NR6A1: variants seen among roughly 807,000 people sequenced by gnomAD.
NR6A1 encodes the protein nuclear receptor subfamily 6 group A member 1.
A neutral mutation model predicts 59.1 loss-of-function variants in NR6A1; 7 were observed. The observed-to-expected ratio is 0.12, with a 90% CI of 0.07 to 0.22. The LOEUF is 0.22. Among genes scored for constraint, NR6A1 ranks in the 10% least tolerant of loss-of-function variants. NR6A1 has a pLI of 1.00. For synonymous variants in NR6A1, 243 were observed against 236.1 expected (o/e 1.03, Z -0.27); for missense variants, 468 against 611.6 (o/e 0.77, Z 2.48).
At chr9:124,526,558 T>C (rs149019507) in intron 8 of NR6A1, among the ~76,000 whole-genome samples, 1 of 152,062 alleles carries the variant, frequency 6.6e-6, no homozygotes, top group Non-Finnish European at 1.5e-5. Flanking sequence ...GGCATTTCAG[T>C]TTGAAGAAAA....
At chr9:124,764,330 AT>A (rs1178009842) in intron 1 of NR6A1, among the ~76,000 whole-genome samples, 2 of 152,260 alleles carry the variant, frequency 1.3e-5, no homozygotes, top group Admixed American at 1.3e-4. Context: ...AACATCATAG[AT>A]AAAATATCAC....
At chr9:124,587,728 G>A (rs1834975998) in intron 2 of NR6A1, among the ~76,000 whole-genome samples, 1 of 152,186 alleles carries the variant, frequency 6.6e-6, no homozygotes, top group Non-Finnish European at 1.5e-5. Context: ...AAGTGCTGGA[G>A]TCTGCATTCA....
In NR6A1 at chr9:124,524,888, AAAAC is replaced by A; in HGVS notation, c.1202-19_1202-16del. ...ACCCCTGATATCTGTGGAAAAAAAA[AAAAC>A]ACACACACACATACAGGGAATGGGA... On this transcript the variant is annotated splice_polypyrimidine_tract_variant and intron_variant, in intron 8 of 9. Coordinates refer to ENST00000487099, the MANE Select transcript of NR6A1 (RefSeq NM_033334.4). 1.3e-6 allele frequency: 2 copies of A among 1,594,210 alleles called. No homozygotes were observed.
At chr9:124,763,532 C>A (rs1310020040) in intron 1 of NR6A1, among the ~76,000 whole-genome samples, 1 of 152,094 alleles carries the variant, frequency 6.6e-6, no homozygotes, top group Non-Finnish European at 1.5e-5. Flanking sequence ...AATTTAAGGA[C>A]TCAATAAATG....
chr9:124,682,626 AT>A (rs1224543954), intron 2 of NR6A1, among the ~76,000 whole-genome samples: 1 of 152,304 alleles, frequency 6.6e-6, no homozygotes, highest in African/African-American at 2.4e-5. Flanking sequence ...ATGGTTTATC[AT>A]TTTTATTTAA....
At chr9:124,687,940 T>C (rs1838394589) in intron 2 of NR6A1, among the ~76,000 whole-genome samples, 1 of 152,216 alleles carries the variant, frequency 6.6e-6, no homozygotes, top group African/African-American at 2.4e-5. Context: ...TGCCTATACA[T>C]ACATACCTAT....
intron 2 of NR6A1, among the ~76,000 whole-genome samples, chr9:124,681,806 T>C (rs1024720045): frequency 6.6e-6 from 1 of 152,202 alleles, no homozygotes; most frequent in Non-Finnish European, 1.5e-5. Flanking sequence ...AAAATCCGCA[T>C]AACTCAGTGA....
At chr9:124,614,790 G>A (rs1179511420) in intron 2 of NR6A1, among the ~76,000 whole-genome samples, 3 of 151,884 alleles carry the variant, frequency 2.0e-5, no homozygotes, top group Admixed American at 2.0e-4. Flanking sequence ...TTTTTTTGTT[G>A]GTGCTTTTCA....
chr9:124,687,047 A>C (rs1157221265), intron 2 of NR6A1, among the ~76,000 whole-genome samples: 1 of 152,032 alleles, frequency 6.6e-6, no homozygotes, highest in African/African-American at 2.4e-5. Flanking sequence ...CCATTTGAAG[A>C]GAAATACTGC....
At chr9:124,584,122 G>T (rs1014866147) in intron 2 of NR6A1, among the ~76,000 whole-genome samples, 1 of 144,808 alleles carries the variant, frequency 6.9e-6, no homozygotes, top group Non-Finnish European at 1.5e-5. Flanking sequence ...TTGAGACAGA[G>T]TCTCACTCTG....
At chr9:124,546,340 T>C (rs534932544) in intron 3 of NR6A1, among the ~76,000 whole-genome samples, 9 of 152,340 alleles carry the variant, frequency 5.9e-5, no homozygotes, top group South Asian at 2.1e-4. Flanking sequence ...ACCCACACTA[T>C]CAGACTGTAA....
intron 2 of NR6A1, among the ~76,000 whole-genome samples, chr9:124,687,284 CTAAT>C (rs1428455082): frequency 7.4e-6 from 1 of 135,978 alleles, no homozygotes; most frequent in Non-Finnish European, 1.6e-5. Flanking sequence ...CCACAGCCAG[CTAAT>C]TAATTATTTA....
intron 2 of NR6A1, among the ~76,000 whole-genome samples, chr9:124,715,973 C>A (rs1389105319): frequency 6.6e-6 from 1 of 152,146 alleles, no homozygotes; most frequent in African/African-American, 2.4e-5. Flanking sequence ...GAGGCCGAGG[C>A]AGGAGGATTA....
At chr9:124,582,845 A>T (rs1834813460) in intron 2 of NR6A1, among the ~76,000 whole-genome samples, 1 of 152,198 alleles carries the variant, frequency 6.6e-6, no homozygotes, top group East Asian at 1.9e-4. Context: ...CTGAGATTGC[A>T]TACTGCAAAA....
intron 2 of NR6A1, among the ~76,000 whole-genome samples, chr9:124,604,415 CT>C (rs1835523697): frequency 6.6e-6 from 1 of 152,232 alleles, no homozygotes; most frequent in South Asian, 2.1e-4. Flanking sequence ...CACATACAAC[CT>C]GTCATAAATC....
chr9:124,722,406 T>C (rs1839588114), intron 2 of NR6A1, among the ~76,000 whole-genome samples: 1 of 152,206 alleles, frequency 6.6e-6, no homozygotes, highest in Admixed American at 6.5e-5. Context: ...AGACCAAAAA[T>C]TGTGACACAT....
chr9:124,754,987 T>C (rs1208685992), intron 1 of NR6A1, among the ~76,000 whole-genome samples: 2 of 152,122 alleles, frequency 1.3e-5, no homozygotes, highest in African/African-American at 2.4e-5. Flanking sequence ...ATCACAAGAA[T>C]AGACAGGATT....
chr9:124,550,450 C>T (rs1357446818), intron 3 of NR6A1, among the ~76,000 whole-genome samples: 3 of 148,254 alleles, frequency 2.0e-5, no homozygotes, highest in Non-Finnish European at 4.4e-5. Context: ...TTACTGCAAC[C>T]TCCGTCTCCC....
chr9:124,637,683 G>T (rs756931063), intron 2 of NR6A1, among the ~76,000 whole-genome samples: 8 of 152,058 alleles, frequency 5.3e-5, no homozygotes, highest in Non-Finnish European at 1.2e-4. Flanking sequence ...TTGAGTCCAG[G>T]AGTTCGACAC....
Sources: allele counts gnomAD v4.1 joint callset (sites outside exome capture counted in the v4.1 genomes callset), GRCh38; gene constraint gnomAD v4.1.1; transcripts MANE v1.5; gene names NCBI Gene and HGNC (gene_info 2026-07-23, HGNC 2026-07-21).